The following AGBL1 variants were observed in gnomAD, a reference collection of about 807,000 sequenced individuals.
The protein encoded by AGBL1 is AGBL carboxypeptidase 1.
AGBL1 carries 130 observed loss-of-function variants against 118.9 expected under a neutral mutation model. The ratio of observed to expected loss-of-function variants is 1.09; its 90% CI spans 0.95 to 1.26. The LOEUF is 1.26. AGBL1 is among the 50% of genes most tolerant of loss of function. The pLI is 0.00. For synonymous variants in AGBL1, 555 were observed against 478.9 expected, an observed-to-expected ratio of 1.16 and a Z score of -2.08; for missense variants, 1,584 against 1,298.1, an observed-to-expected ratio of 1.22 and a Z score of -3.38.
intron 1 of AGBL1, among the ~76,000 whole-genome samples, chr15:86,104,794 G>A (rs1328468393): frequency 6.6e-6 from 1 of 152,178 alleles, no homozygotes; most frequent in Non-Finnish European, 1.5e-5. Context: ...GGACTTGTGG[G>A]GGTGGTTGTG....
chr15:86,729,250 C>T (rs555916026), intron 22 of AGBL1, among the ~76,000 whole-genome samples: 44 of 152,282 alleles, frequency 2.9e-4, no homozygotes, highest in Non-Finnish European at 4.4e-4. Context: ...AAATGATTAA[C>T]TATTTTCTGA....
intron 22 of AGBL1, among the ~76,000 whole-genome samples, chr15:86,741,420 A>AAAAAAAAAAAAAAC (rs2077678109): frequency 7.5e-6 from 1 of 134,058 alleles, no homozygotes; most frequent in Admixed American, 7.8e-5. Context: ...AAAAAAAAAA[A>AAAAAAAAAAAAAAC]AGAATTCAAC....
chr15:86,326,405 C>A (rs1431534761), intron 17 of AGBL1, among the ~76,000 whole-genome samples: 1 of 152,010 alleles, frequency 6.6e-6, no homozygotes, highest in African/African-American at 2.4e-5. Context: ...TATAAGTATA[C>A]ATAGGAGAAG....
intron 5 of AGBL1, among the ~76,000 whole-genome samples, chr15:86,185,456 C>T (rs1343568492): frequency 1.3e-5 from 2 of 152,092 alleles, no homozygotes; most frequent in East Asian, 1.9e-4. Context: ...CACATGCACA[C>T]GTATGTTTAT....
chr15:86,378,884 A>G (rs529785117), intron 17 of AGBL1, among the ~76,000 whole-genome samples: 8 of 151,354 alleles, frequency 5.3e-5, no homozygotes, highest in African/African-American at 1.7e-4. Context: ...ACAGAGAAGG[A>G]TAGTTGATCA....
At chr15:86,903,717 C>T (rs1432756078) in intron 22 of AGBL1, among the ~76,000 whole-genome samples, 1 of 152,198 alleles carries the variant, frequency 6.6e-6, no homozygotes, top group African/African-American at 2.4e-5. Flanking sequence ...CCCACTAGGC[C>T]TCCAGGGGCA....
At chr15:86,241,541 G>A (rs1302564055) in intron 6 of AGBL1, among the ~76,000 whole-genome samples, 2 of 152,088 alleles carry the variant, frequency 1.3e-5, no homozygotes, top group East Asian at 3.9e-4. Context: ...AGTTCTGGAG[G>A]CTGGGAAGTC....
chr15:86,528,091 T>C (rs1567041353), intron 19 of AGBL1, among the ~76,000 whole-genome samples: 2 of 152,122 alleles, frequency 1.3e-5, no homozygotes, highest in African/African-American at 4.8e-5. Flanking sequence ...ATTGTCCTTT[T>C]CTGGGGGGAG....
chr15:86,941,464 A>G (rs2080750645), intron 23 of AGBL1, among the ~76,000 whole-genome samples: 1 of 152,218 alleles, frequency 6.6e-6, no homozygotes, highest in African/African-American at 2.4e-5. Flanking sequence ...AGTCACAGCT[A>G]TGGAGCAGAG....
Position 86,988,084 on chromosome 15 carries a change from T to TC in AGBL1, c.3323dup (p.Val1109SerfsTer3). On this transcript the variant is annotated frameshift_variant, in exon 24 of 25. Transcript: ENST00000441037. LOFTEE classifies it high-confidence loss of function. ...CAAGATGAACCTTCTTCTGCATGTC[T>TC]CCCCGTGAGTATGTCAGTTTCCTGA... 1 of 1,613,472 alleles carries TC rather than the reference T, an allele frequency of 6.2e-7. No individual in the cohort carries two copies. The highest frequency in any genetic ancestry group is 1.1e-5 in the South Asian group (1 of 91,026).
intron 22 of AGBL1, among the ~76,000 whole-genome samples, chr15:86,904,792 G>A (rs1006536891): frequency 6.6e-6 from 1 of 150,628 alleles, no homozygotes; most frequent in African/African-American, 2.5e-5. Context: ...AAATTAAAAA[G>A]TAATTCCACA....
rs1224140729 is a variant in AGBL1 at position 86,379,547 on chromosome 15, C to T, written c.2375-17819C>T. 3.9e-5 allele frequency among the ~76,000 whole-genome samples: 6 copies of T among 152,234 alleles called. No homozygotes were observed. In the East Asian group the frequency reaches 1.2e-3, roughly 29 times the overall value. On this transcript the variant is annotated intron_variant, in intron 17 of 22. Coordinates refer to ENST00000614907, the MANE Select transcript of AGBL1 (RefSeq NM_001386094.1). ...AGTAATTATACAACTTAACTAATTACATTGATTGGGCAATTGATGTGTGCC... is the reference window on the plus strand; with the variant it reads ...AGTAATTATACAACTTAACTAATTATATTGATTGGGCAATTGATGTGTGCC...
At chr15:87,001,266 T>C (rs2081434426) in intron 24 of AGBL1, among the ~76,000 whole-genome samples, 2 of 151,624 alleles carry the variant, frequency 1.3e-5, no homozygotes, top group South Asian at 4.2e-4. Context: ...CAACACTATG[T>C]TGAATAGGAG....
intron 18 of AGBL1, among the ~76,000 whole-genome samples, chr15:86,439,176 A>G (rs1047754342): frequency 5.3e-5 from 8 of 152,202 alleles, no homozygotes; most frequent in Admixed American, 3.3e-4. Context: ...TGAATGTAAA[A>G]CTTGTGTTGC....
chr15:86,826,001 C>T (rs528538768), intron 22 of AGBL1, among the ~76,000 whole-genome samples: 22 of 150,070 alleles, frequency 1.5e-4, no homozygotes, highest in Non-Finnish European at 3.3e-4. Context: ...ATTCCAGGTA[C>T]CTTTCATTGA....
intron 22 of AGBL1, among the ~76,000 whole-genome samples, chr15:86,906,881 T>C (rs1408210858): frequency 6.6e-6 from 1 of 152,172 alleles, no homozygotes; most frequent in African/African-American, 2.4e-5. Flanking sequence ...GGAGCAGTGA[T>C]CTGAGGTTAA....
intron 17 of AGBL1, among the ~76,000 whole-genome samples, chr15:86,382,401 C>T (rs1297157683): frequency 6.6e-6 from 1 of 152,218 alleles, no homozygotes; most frequent in Non-Finnish European, 1.5e-5. Context: ...CCGTCAGGCT[C>T]TCTGACCAGA....
chr15:86,506,972 T>G (rs2082985113), intron 18 of AGBL1, among the ~76,000 whole-genome samples: 1 of 152,068 alleles, frequency 6.6e-6, no homozygotes, highest in Non-Finnish European at 1.5e-5. Flanking sequence ...TTGCCTATGT[T>G]TAGCTTGAAG....
chr15:86,432,570 C>T (rs2081947045), intron 18 of AGBL1, among the ~76,000 whole-genome samples: 1 of 152,094 alleles, frequency 6.6e-6, no homozygotes. Flanking sequence ...TGATGTTGAC[C>T]TTGCTGAGGT....
Sources: allele counts gnomAD v4.1 joint callset (sites outside exome capture counted in the v4.1 genomes callset), GRCh38; gene constraint gnomAD v4.1.1; transcripts MANE v1.5; gene names NCBI Gene and HGNC (gene_info 2026-07-23, HGNC 2026-07-21).